MAP3K19: variants seen among roughly 807,000 people sequenced by gnomAD.
MAP3K19 encodes SPS1/STE20-related protein kinase YSK4.
Under a neutral mutation model 114.4 loss-of-function variants are expected in MAP3K19, and 91 were observed. That is an observed-to-expected ratio of 0.80 (90% confidence interval 0.67 to 0.95). The LOEUF is 0.95. Ranked by LOEUF, MAP3K19 falls within the 40% of genes least tolerant of loss-of-function variation. The pLI is 0.00. For missense variants in MAP3K19, 1,471 were observed against 1,573.2 expected, an observed-to-expected ratio of 0.94 and a Z score of 1.10; for synonymous variants, 518 against 530.5, an observed-to-expected ratio of 0.98 and a Z score of 0.32.
chr2:134,987,393 T>C lies in MAP3K19; in HGVS notation c.1479A>G (p.Gly493=). ...TGGCTATCACTGGTTCCTTGGGGCTTCCATCCACAGGGAAGGTGATGTGGA... is the reference window on the plus strand; with the variant it reads ...TGGCTATCACTGGTTCCTTGGGGCTCCCATCCACAGGGAAGGTGATGTGGA... ...PLIHITFPVD[G]SPKEPVIAKP... The change falls in exon 10 of 13, where the codon GGA becomes GGG. Residue 493 remains glycine, a synonymous_variant. Transcript: ENST00000392915. 6.2e-7 allele frequency: 1 copy of C among 1,614,176 alleles called. No homozygotes were observed. Among genetic ancestry groups the C allele is most frequent in the Non-Finnish European group, 8.5e-7 (1 of 1,180,032 alleles).
intron 5 of MAP3K19, among the ~76,000 whole-genome samples, chr2:135,017,825 G>C (rs1364099415): frequency 6.6e-6 from 1 of 151,958 alleles, no homozygotes; most frequent in Non-Finnish European, 1.5e-5. Context: ...TTGTGACTTG[G>C]GTTTAGCAAT....
chr2:134,994,883 A>G (rs1685871222), intron 8 of MAP3K19, among the ~76,000 whole-genome samples: 1 of 152,250 alleles, frequency 6.6e-6, no homozygotes, highest in South Asian at 2.1e-4. Context: ...ATGAACATAC[A>G]GAGAACAGAT....
chr2:135,000,770 C>T (rs1388016182), intron 6 of MAP3K19, among the ~76,000 whole-genome samples: 17 of 152,162 alleles, frequency 1.1e-4, no homozygotes, highest in Non-Finnish European at 1.6e-4. Context: ...TCCGGGAGGA[C>T]GCAATGCTTG....
chr2:134,986,768 G>A lies in MAP3K19; in HGVS notation c.2104C>T (p.Arg702Ter), dbSNP rs772078071. The A allele has an allele frequency of 1.7e-5, 27 of 1,613,912 alleles. No individual in the cohort carries two copies. Among genetic ancestry groups the A allele is most frequent in the Non-Finnish European group, 2.2e-5 (26 of 1,179,962 alleles). ...PSGRRITNKC[R>*]SSHSERKSNI... ...CTCTTCCTCTCACTGTGTGAAGATC[G>A]ACATTTATTGGTGATACGTCTGCCT... Residue 702 changes from arginine to a stop codon, truncating the protein, a stop_gained, in exon 10 of 13, where the codon CGA becomes TGA. Coordinates refer to ENST00000392915, the MANE Select transcript of MAP3K19 (RefSeq NM_025052.5). LOFTEE classifies it high-confidence loss of function.
rs112429962 is a variant in MAP3K19, at chr2:134,983,379, T to A, written c.3222+297A>T. 6.4e-4 allele frequency: 384 copies of A among 599,324 alleles called. 2 individuals are homozygous for A. The highest frequency in any genetic ancestry group is 6.3e-3 in the African/African-American group (343 of 54,778). The allele number at this position is 599,324 out of a possible 1,614,324, so 37.1% of individuals were successfully genotyped here. A position where few individuals can be genotyped will look rare whatever the true frequency, so the allele number is the denominator to read the frequency against. Reference sequence around the variant, plus strand: ...ATGCAGTGGCCATTGAGTCACTATATGTGCCTGAGAAAAAGCCAGGCAAAG... The same window carrying A: ...ATGCAGTGGCCATTGAGTCACTATAAGTGCCTGAGAAAAAGCCAGGCAAAG... On this transcript the variant is annotated intron_variant, in intron 11 of 12. Coordinates refer to ENST00000392915, the MANE Select transcript of MAP3K19 (RefSeq NM_025052.5).
intron 5 of MAP3K19, 51 bp downstream of exon 5, chr2:135,021,664 A>G (rs1687988822): frequency 1.0e-6 from 1 of 957,238 alleles, no homozygotes; most frequent in Admixed American, 2.3e-5. Context: ...ACACAAATAA[A>G]GTAGTAGATG....
intron 2 of MAP3K19, among the ~76,000 whole-genome samples, chr2:135,033,833 C>G: frequency 2.7e-5 from 1 of 37,034 alleles, no homozygotes; most frequent in Non-Finnish European, 4.7e-5. Context: ...GGGGCTGACC[C>G]CCCCACCTCC....
At chr2:134,985,534 T>C (rs1685031714) in intron 10 of MAP3K19, among the ~76,000 whole-genome samples, 1 of 152,224 alleles carries the variant, frequency 6.6e-6, no homozygotes. Flanking sequence ...CCTATTTGAA[T>C]GGTTTTGCTA....
intron 12 of MAP3K19, among the ~76,000 whole-genome samples, chr2:134,971,341 G>T (rs1243957949): frequency 6.6e-6 from 1 of 152,126 alleles, no homozygotes; most frequent in Non-Finnish European, 1.5e-5. Flanking sequence ...CAGGAATTTT[G>T]TATCTGTGTT....
intron 5 of MAP3K19, among the ~76,000 whole-genome samples, chr2:135,013,291 G>A (rs925919193): frequency 6.7e-6 from 1 of 149,926 alleles, no homozygotes; most frequent in South Asian, 2.1e-4. Context: ...CAGCCTGGGC[G>A]ACAGAGTAAG....
chr2:134,996,448 G>A (rs568844240), intron 8 of MAP3K19, among the ~76,000 whole-genome samples: 37 of 152,166 alleles, frequency 2.4e-4, no homozygotes, highest in African/African-American at 8.2e-4. Context: ...GTAATCCGGC[G>A]AAGATGAACA....
At chr2:134,970,324 C>A (rs551806017) in intron 12 of MAP3K19, among the ~76,000 whole-genome samples, 1 of 152,222 alleles carries the variant, frequency 6.6e-6, no homozygotes, top group Admixed American at 6.5e-5. Context: ...TCTTTCACCT[C>A]CTTGGTTACA....
At chr2:134,970,550 C>T (rs975929355) in intron 12 of MAP3K19, among the ~76,000 whole-genome samples, 2 of 150,032 alleles carry the variant, frequency 1.3e-5, no homozygotes, top group African/African-American at 4.9e-5. Flanking sequence ...ATCACGTCAT[C>T]TGCAAAGAGG....
At position 134,997,817 on chromosome 2, in the gene MAP3K19, C is replaced by CAAAAAAAAAA. The variant is rs1187957592; in HGVS notation, c.574+911_574+920dup. On this transcript the variant is annotated intron_variant, in intron 8 of 12. Transcript: ENST00000392915. ...CTGGTGACAGAGCGAGACTCCGTCT[C>CAAAAAAAAAA]AAAAAAAAAAAAACTTTAAGCACTG... 3.5e-4 allele frequency among the ~76,000 whole-genome samples: 32 copies of CAAAAAAAAAA among 91,014 alleles called. 1 individual carries two copies. Among genetic ancestry groups the CAAAAAAAAAA allele is most frequent in the Admixed American group, 2.0e-3 (17 of 8,540 alleles). The allele number at this position is 91,014 out of a possible 152,430, so 59.7% of individuals were successfully genotyped here. A position where few individuals can be genotyped will look rare whatever the true frequency, so the allele number is the denominator to read the frequency against.
At chr2:134,994,330 C>T (rs1320996460) in intron 8 of MAP3K19, among the ~76,000 whole-genome samples, 1 of 152,168 alleles carries the variant, frequency 6.6e-6, no homozygotes, top group African/African-American at 2.4e-5. Context: ...ACTGAAGGTA[C>T]CTCTGAAGAC....
At chr2:134,978,795 T>C (rs761753772) in intron 12 of MAP3K19, among the ~76,000 whole-genome samples, 2 of 152,208 alleles carry the variant, frequency 1.3e-5, no homozygotes, top group Non-Finnish European at 2.9e-5. Context: ...AGCTTTCTAG[T>C]CTCAAGCGAC....
At chr2:135,010,420 A>T (rs1687141826) in intron 5 of MAP3K19, among the ~76,000 whole-genome samples, 2 of 152,234 alleles carry the variant, frequency 1.3e-5, no homozygotes, top group South Asian at 4.1e-4. Flanking sequence ...AGGAGAATTG[A>T]AATAGTGTCA....
intron 8 of MAP3K19, among the ~76,000 whole-genome samples, chr2:134,993,663 C>A (rs1045990639): frequency 2.0e-5 from 3 of 152,130 alleles, no homozygotes; most frequent in Non-Finnish European, 2.9e-5. Flanking sequence ...AAAACGCTTT[C>A]AAGTATTCTT....
chr2:134,998,957 C>T lies in MAP3K19; in HGVS notation c.355G>A (p.Ala119Thr). The change falls in exon 8 of 13, where the codon GCA becomes ACA. Residue 119 changes from alanine (A) to threonine (T), a missense_variant. Transcript: ENST00000392915. The stretch of plus-strand genomic sequence containing the variant: ...TCTATTTCATTTGGATGAGAAACTG[C>T]ATGTGCTTGTGCCCATTCTTGAAGC... ...SSLQEWAQAH[A>T]VSHPNEIETV... The T allele has an allele frequency of 6.2e-7, 1 of 1,614,114 alleles. No homozygotes were observed. Among genetic ancestry groups the T allele is most frequent in the Non-Finnish European group, 8.5e-7 (1 of 1,179,996 alleles).
Sources: gnomAD v4.1 joint callset for allele counts (sites outside exome capture counted in the v4.1 genomes callset) on GRCh38, gnomAD v4.1.1 for gene constraint, MANE v1.5 for transcripts, NCBI Gene and HGNC (gene_info 2026-07-23, HGNC 2026-07-21) for gene names.